Variants in ENTPD1 observed in about 807,000 individuals in gnomAD.
ENTPD1 encodes ectonucleoside triphosphate diphosphohydrolase 1, also known as ATP diphosphohydrolase.
In ENTPD1, 33 loss-of-function variants were observed where a neutral mutation model predicts 57.0. That is an observed-to-expected ratio of 0.58 (90% CI 0.44 to 0.77). The LOEUF is 0.77. ENTPD1 is among the 30% of genes least tolerant of loss of function. The pLI is 0.00. For synonymous variants in ENTPD1, 202 were observed against 218.8 expected (o/e 0.92, Z 0.68); for missense variants, 501 against 603.4 (o/e 0.83, Z 1.78).
chr10:95,778,539 G>T (rs1007136453), intron 1 of ENTPD1, among the ~76,000 whole-genome samples: 4 of 152,162 alleles, frequency 2.6e-5, no homozygotes, highest in Admixed American at 2.6e-4. Context: ...TTCCCTAACT[G>T]TTGGCTAGAA....
chr10:95,707,431 C>T (rs951490449), upstream of ENTPD1, among the ~76,000 whole-genome samples: 1 of 152,152 alleles, frequency 6.6e-6, no homozygotes, highest in Non-Finnish European at 1.5e-5. Context: ...GTGCCCAGGC[C>T]CAGCGGGGCC....
chr10:95,738,766 AAAG>A (rs2097997243), intron 1 of ENTPD1, among the ~76,000 whole-genome samples: 1 of 152,244 alleles, frequency 6.6e-6, no homozygotes, highest in Admixed American at 6.5e-5. Flanking sequence ...CACAACAGCC[AAAG>A]AAGATTACCT....
chr10:95,766,405 C>T (rs2098088462), intron 1 of ENTPD1, among the ~76,000 whole-genome samples: 1 of 152,150 alleles, frequency 6.6e-6, no homozygotes, highest in South Asian at 2.1e-4. Flanking sequence ...CTCAATTACG[C>T]TCAATACTAT....
At chr10:95,823,134 T>C (rs1227747619) in intron 1 of ENTPD1, 103 bp from the exon 2 acceptor site, 1 of 1,406,570 alleles carries the variant, frequency 7.1e-7, no homozygotes, top group East Asian at 2.3e-5. Context: ...TTAATCTGTC[T>C]CTGATGTCTC....
chr10:95,805,449 G>A (rs1286527690), intron 1 of ENTPD1, among the ~76,000 whole-genome samples: 1 of 152,080 alleles, frequency 6.6e-6, no homozygotes, highest in African/African-American at 2.4e-5. Flanking sequence ...TATCCAATTT[G>A]CCAGTCTATG....
At position 95,873,469 on chromosome 10, in the gene ENTPD1, T is replaced by C. The variant is rs2098482635; in HGVS notation, c.*7086T>C. 9.1e-6 allele frequency: 9 copies of C among 985,540 alleles called. No individual in the cohort carries two copies. The highest frequency in any genetic ancestry group is 1.1e-5 in the Non-Finnish European group (9 of 830,010). The allele number at this position is 985,540 out of a possible 1,614,324, so 61.0% of individuals were successfully genotyped here. On this transcript the variant is annotated 3_prime_UTR_variant, in exon 10 of 10. Coordinates refer to ENST00000371205, the MANE Select transcript of ENTPD1 (RefSeq NM_001776.6). ...TAAGAGGGATTTCTTCCAGCTCTCT[T>C]GCCCTGGTCTTCAGTGTATTAGATG... is the stretch of plus-strand genomic sequence containing the variant.
In ENTPD1 at chr10:95,766,162, A is replaced by G. The variant is rs567943457; in HGVS notation, c.16+9907A>G. ...CTTTTATATCTCTCCCACACACAAC[A>G]GTCACATATAGTATTGTTCCTGAAC... On this transcript the variant is annotated intron_variant, in intron 1 of 9. Transcript: ENST00000371205. Among the ~76,000 whole-genome samples, 5 of 152,298 alleles carry G rather than the reference A, an allele frequency of 3.3e-5. No individual in the cohort carries two copies. The South Asian group carries it at 1.0e-3, about 32-fold the overall frequency.
Position 95,868,582 on chromosome 10 carries a change from C to G in ENTPD1, c.*2199C>G. On this transcript the variant is annotated 3_prime_UTR_variant, in exon 10 of 10. Coordinates refer to ENST00000371205, the MANE Select transcript of ENTPD1 (RefSeq NM_001776.6). ...TTTCCTTCTGTCTGCGTATACAAAGCACTGTCATGCACACAATCTATTCTG... is the reference window on the plus strand; with the variant it reads ...TTTCCTTCTGTCTGCGTATACAAAGGACTGTCATGCACACAATCTATTCTG... 1.0e-6 allele frequency: 1 copy of G among 985,410 alleles called. No individual in the cohort carries two copies. Among genetic ancestry groups the G allele is most frequent in the Non-Finnish European group, 1.2e-6 (1 of 829,916 alleles). 61.0% of individuals were successfully genotyped at this position (985,410 alleles called of 1,614,324 possible).
At chr10:95,755,777 T>C (rs762193809), upstream of ENTPD1, 1 of 1,533,780 alleles carries the variant, frequency 6.5e-7, no homozygotes, top group Non-Finnish European at 8.7e-7. Flanking sequence ...GTAACAACTT[T>C]CTTATTATCT....
chr10:95,835,727 T>C (rs1590078535), intron 2 of ENTPD1, among the ~76,000 whole-genome samples: 1 of 152,348 alleles, frequency 6.6e-6, no homozygotes, highest in Admixed American at 6.5e-5. Flanking sequence ...TGGCCACTTG[T>C]ATGTCTTCTC....
chr10:95,806,218 C>T (rs2098271866), intron 1 of ENTPD1, among the ~76,000 whole-genome samples: 1 of 152,166 alleles, frequency 6.6e-6, no homozygotes, highest in Non-Finnish European at 1.5e-5. Context: ...TTAAACTTCT[C>T]TTCTCACTTT....
chr10:95,718,792 C>T (rs2097974366), intron 1 of ENTPD1, among the ~76,000 whole-genome samples: 2 of 152,170 alleles, frequency 1.3e-5, no homozygotes, highest in Non-Finnish European at 2.9e-5. Context: ...TACAAAGGAA[C>T]TTCCATTAGT....
At chr10:95,711,180 A>G (rs541056441), upstream of ENTPD1, among the ~76,000 whole-genome samples, 5 of 152,276 alleles carry the variant, frequency 3.3e-5, no homozygotes, top group African/African-American at 1.2e-4. Flanking sequence ...CTTTCTGTAT[A>G]AAAACTGGCC....
intron 1 of ENTPD1, among the ~76,000 whole-genome samples, chr10:95,815,215 G>A (rs2098325943): frequency 6.6e-6 from 1 of 152,196 alleles, no homozygotes; most frequent in African/African-American, 2.4e-5. Flanking sequence ...AGCTGAGAAA[G>A]AATAAAACTG....
At chr10:95,722,730 C>T (rs368914955) in intron 1 of ENTPD1, among the ~76,000 whole-genome samples, 1 of 152,158 alleles carries the variant, frequency 6.6e-6, no homozygotes, top group Admixed American at 6.5e-5. Context: ...AAACCTCTAT[C>T]GTCCTGTCCT....
chr10:95,859,263 C>T (rs977791201), intron 7 of ENTPD1, among the ~76,000 whole-genome samples: 7 of 152,210 alleles, frequency 4.6e-5, no homozygotes, highest in African/African-American at 7.2e-5. Context: ...TATTTTTCCT[C>T]ATCTCTGAGT....
At chr10:95,750,722 C>T (rs915502712), upstream of ENTPD1, among the ~76,000 whole-genome samples, 3 of 152,150 alleles carry the variant, frequency 2.0e-5, no homozygotes, top group Non-Finnish European at 2.9e-5. Context: ...AGGGTAATAG[C>T]TTGTATACAT....
chr10:95,729,097 T>A (rs905420108), intron 1 of ENTPD1, among the ~76,000 whole-genome samples: 13 of 152,176 alleles, frequency 8.5e-5, no homozygotes, highest in East Asian at 3.9e-4. Flanking sequence ...AATTTTAAAA[T>A]ATATATATAT....
chr10:95,862,027 G>C (rs1192226357), intron 8 of ENTPD1, among the ~76,000 whole-genome samples: 1 of 151,860 alleles, frequency 6.6e-6, no homozygotes, highest in East Asian at 1.9e-4. Flanking sequence ...AGTTCTGTCA[G>C]GTTTCCTCTC....
Sources: gnomAD v4.1 joint callset for allele counts (sites outside exome capture counted in the v4.1 genomes callset) on GRCh38, gnomAD v4.1.1 for gene constraint, MANE v1.5 for transcripts, NCBI Gene and HGNC (gene_info 2026-07-23, HGNC 2026-07-21) for gene names.